AKAP12: variants seen among roughly 807,000 people sequenced by gnomAD.
AKAP12 encodes the protein A-kinase anchoring protein 12, also known as A-kinase anchor protein 12.
In AKAP12, 32 loss-of-function variants were observed where a neutral mutation model predicts 79.9. The ratio of observed to expected loss-of-function variants is 0.40; its 90% CI spans 0.30 to 0.54. The LOEUF is 0.54. Ranked by LOEUF, AKAP12 falls within the 20% of genes least tolerant of loss-of-function variation. The pLI, the probability that AKAP12 is intolerant of heterozygous loss-of-function variation, is 0.48. For synonymous variants in AKAP12, 808 were observed against 857.0 expected (o/e 0.94, Z 1.00); for missense variants, 2,074 against 2,177.0 (o/e 0.95, Z 0.94).
intron 2 of AKAP12, among the ~76,000 whole-genome samples, chr6:151,253,501 C>G (rs1018200259): frequency 6.6e-6 from 1 of 151,924 alleles, no homozygotes; most frequent in Non-Finnish European, 1.5e-5. Context: ...ATTAAAATTA[C>G]AGGCATGAGC....
intron 2 of AKAP12, among the ~76,000 whole-genome samples, chr6:151,300,737 A>G (rs917877648): frequency 6.6e-6 from 1 of 151,282 alleles, no homozygotes; most frequent in African/African-American, 2.4e-5. Flanking sequence ...TTTTTTTAAC[A>G]GCTTGTTTAG....
At chr6:151,318,013 T>C in intron 3 of AKAP12, among the ~76,000 whole-genome samples, 1 of 152,224 alleles carries the variant, frequency 6.6e-6, no homozygotes, top group Middle Eastern at 3.2e-3. Context: ...CCGTGTAAGC[T>C]TAGCATTATG....
chr6:151,322,745 A>G (rs960129185), intron 3 of AKAP12, among the ~76,000 whole-genome samples: 15 of 147,368 alleles, frequency 1.0e-4, no homozygotes, highest in Non-Finnish European at 2.1e-4. Flanking sequence ...TCCACCACCC[A>G]CTCCTGCCAC....
At chr6:151,290,375 G>C (rs1164187909) in intron 2 of AKAP12, among the ~76,000 whole-genome samples, 8 of 152,104 alleles carry the variant, frequency 5.3e-5, no homozygotes, top group Non-Finnish European at 1.0e-4. Flanking sequence ...ACAGAATGGA[G>C]AAGCACTCAC....
At position 151,329,925 on chromosome 6, in the gene AKAP12, A is replaced by C. The variant is rs542997373; in HGVS notation, c.320-18786A>C. ...AGAGCATAACTGTAGAGTACCTTGC[A>C]AAAGACCTCTTTCTCGTTGTGAAGA... On this transcript the variant is annotated intron_variant, in intron 3 of 4. Transcript: ENST00000402676. Among the ~76,000 whole-genome samples, 3 of 152,312 alleles carry C rather than the reference A, an allele frequency of 2.0e-5. No homozygotes were observed. In the East Asian group the frequency reaches 5.8e-4, roughly 29 times the overall value.
chr6:151,288,564 T>A (rs1278287139), intron 2 of AKAP12, among the ~76,000 whole-genome samples: 1 of 152,120 alleles, frequency 6.6e-6, no homozygotes, highest in Non-Finnish European at 1.5e-5. Context: ...AAATGGACTT[T>A]CCAAACAATA....
At chr6:151,294,856 T>C (rs972194205) in intron 2 of AKAP12, among the ~76,000 whole-genome samples, 3 of 152,234 alleles carry the variant, frequency 2.0e-5, no homozygotes, top group African/African-American at 7.2e-5. Context: ...GCATCCGTGG[T>C]GTCTTTAGTT....
At chr6:151,305,187 A>T (rs761140) in intron 2 of AKAP12, among the ~76,000 whole-genome samples, 436 of 132,532 alleles carry the variant, frequency 3.3e-3, no homozygotes, top group Middle Eastern at 0.011. Context: ...TTTTTTTTTT[A>T]AAACCTACTT....
chr6:151,354,091 G>A (rs1778376145), intron 4 of AKAP12, among the ~76,000 whole-genome samples: 2 of 151,042 alleles, frequency 1.3e-5, no homozygotes, highest in Admixed American at 1.3e-4. Flanking sequence ...ATCTTGTTGA[G>A]TTTTTTTAAA....
At chr6:151,306,725 GC>G (rs980601756) in intron 3 of AKAP12, among the ~76,000 whole-genome samples, 1 of 152,144 alleles carries the variant, frequency 6.6e-6, no homozygotes, top group Non-Finnish European at 1.5e-5. Context: ...CTTGTTTGAT[GC>G]CCCCACAGAG....
At chr6:151,258,762 G>T (rs1048028217) in intron 2 of AKAP12, among the ~76,000 whole-genome samples, 6 of 150,830 alleles carry the variant, frequency 4.0e-5, no homozygotes, top group Non-Finnish European at 8.9e-5. Flanking sequence ...CTGAGTAGCT[G>T]GGCTTACAGG....
rs769514807 is a variant in AKAP12, at chr6:151,351,206, A to G, written c.2815A>G (p.Arg939Gly). 3.7e-6 allele frequency: 6 copies of G among 1,614,120 alleles called. No individual in the cohort carries two copies. In the East Asian group the frequency reaches 1.3e-4, roughly 36 times the overall value. ...ACTGTTAACTGAGGAGGTATTGGAAAGAGAAGTAATTGCAGAAGAAGAACC... is the reference window on the plus strand; with the variant it reads ...ACTGTTAACTGAGGAGGTATTGGAAGGAGAAGTAATTGCAGAAGAAGAACC... ...AALLTEEVLE[R>G]EVIAEEEPPT... is the part of the protein sequence containing the mutation. The change falls in exon 4 of 5, where the codon AGA becomes GGA. Residue 939 changes from arginine (R) to glycine (G), a missense_variant. Coordinates refer to ENST00000402676, the MANE Select transcript of AKAP12 (RefSeq NM_005100.4). This position sits in a 1 kb window ranked among gnomAD's most constrained non-coding sequence, Gnocchi z 4.4.
intron 3 of AKAP12, chr6:151,325,292 G>A: frequency 1.0e-6 from 1 of 985,426 alleles, no homozygotes; most frequent in Non-Finnish European, 1.2e-6. Context: ...TTAAAATGGA[G>A]GGAGAATTTA....
At chr6:151,319,797 G>A (rs1414987928) in intron 3 of AKAP12, 2 of 154,662 alleles carry the variant, frequency 1.3e-5, no homozygotes, top group Non-Finnish European at 2.9e-5. Flanking sequence ...ATCCCTGATA[G>A]AGGAGGACTG....
chr6:151,252,507 T>G (rs188494846), intron 2 of AKAP12, among the ~76,000 whole-genome samples: 7 of 151,728 alleles, frequency 4.6e-5, no homozygotes, highest in Admixed American at 3.9e-4. Flanking sequence ...GAAAGTCAAG[T>G]TTTTTAGGAA....
intron 2 of AKAP12, among the ~76,000 whole-genome samples, chr6:151,249,592 C>A (rs1243981166): frequency 6.6e-6 from 1 of 152,174 alleles, no homozygotes; most frequent in East Asian, 1.9e-4. Flanking sequence ...ATATTTAGAT[C>A]TTTATTCCAC....
At chr6:151,247,738 A>G (rs6929715) in intron 2 of AKAP12, among the ~76,000 whole-genome samples, 24,042 of 152,180 alleles carry the variant, frequency 0.16, 2,223 homozygotes, top group East Asian at 0.33. Flanking sequence ...CAATAGAGTG[A>G]AGGCTTACCC....
intron 2 of AKAP12, among the ~76,000 whole-genome samples, chr6:151,267,064 G>T (rs1037042903): frequency 1.4e-5 from 2 of 143,024 alleles, no homozygotes; most frequent in Non-Finnish European, 3.0e-5. Context: ...ATCACAAAGT[G>T]TTGGAATGAT....
chr6:151,350,289 A>G lies in AKAP12; in HGVS notation c.1898A>G (p.Asp633Gly). The change falls in exon 4 of 5, where the codon GAT becomes GGT. Residue 633 changes from aspartate (D) to glycine (G), a missense_variant. Physicochemically the swap from Asp to Gly is moderately conservative, Grantham distance 94. This residue lies in a region of AKAP12 where 1,428 missense variants were observed against 1,451.0 expected (regional missense o/e 0.98). Coordinates refer to ENST00000402676, the MANE Select transcript of AKAP12 (RefSeq NM_005100.4). The surrounding 1 kb of genome is among the most constrained non-coding windows in gnomAD (Gnocchi z 4.8). ...CGGCCTTCGGAAAGTGATAAAGAAG[A>G]TGAGCTGGACAAGGTCAAGAGCGCT... ...VRRPSESDKE[D>G]ELDKVKSATL... 6.2e-7 allele frequency: 1 copy of G among 1,613,982 alleles called. No individual in the cohort carries two copies. Among genetic ancestry groups the G allele is most frequent in the Non-Finnish European group, 8.5e-7 (1 of 1,180,002 alleles).
Sources: allele counts gnomAD v4.1 joint callset (sites outside exome capture counted in the v4.1 genomes callset), GRCh38; gene constraint gnomAD v4.1.1; regional missense constraint gnomAD v4.1.1; non-coding constraint Gnocchi (gnomAD v3.1); transcripts MANE v1.5; gene names NCBI Gene and HGNC (gene_info 2026-07-23, HGNC 2026-07-21).